The following PLEKHM3 variants were observed in gnomAD, a reference collection of about 807,000 sequenced individuals.
PLEKHM3 encodes pleckstrin homology domain containing M3.
PLEKHM3 carries 45 observed loss-of-function variants against 81.8 expected under a neutral mutation model. That is an observed-to-expected ratio of 0.55 (90% CI 0.43 to 0.71). The LOEUF (loss-of-function observed/expected upper bound fraction) is 0.71. Ranked by LOEUF, PLEKHM3 falls within the 30% of genes least tolerant of loss-of-function variation. The probability of loss-of-function intolerance (pLI) is 0.00; values close to 1 mark genes in which losing one functional copy is unlikely to be tolerated. For synonymous variants in PLEKHM3, 352 were observed against 356.4 expected, an observed-to-expected ratio of 0.99 and a Z score of 0.14; for missense variants, 788 against 924.3, an observed-to-expected ratio of 0.85 and a Z score of 1.91.
chr2:207,831,501 C>T (rs2092287781), intron 7 of PLEKHM3, among the ~76,000 whole-genome samples: 1 of 152,236 alleles, frequency 6.6e-6, no homozygotes, highest in Admixed American at 6.5e-5. Flanking sequence ...GGGCAAGTTA[C>T]TACTTAAGTT....
intron 6 of PLEKHM3, among the ~76,000 whole-genome samples, chr2:207,869,338 C>T (rs1168725874): frequency 1.3e-5 from 2 of 152,084 alleles, no homozygotes; most frequent in Non-Finnish European, 2.9e-5. Flanking sequence ...TAGAAGGAAA[C>T]GTGTAGCTCT....
intron 6 of PLEKHM3, among the ~76,000 whole-genome samples, chr2:207,901,535 G>A (rs1363922079): frequency 6.6e-6 from 1 of 152,178 alleles, no homozygotes; most frequent in Admixed American, 6.5e-5. Flanking sequence ...TCCCCTCCCT[G>A]TACGATGTGA....
intron 5 of PLEKHM3, among the ~76,000 whole-genome samples, chr2:207,918,285 G>T (rs971690107): frequency 6.6e-6 from 1 of 152,218 alleles, no homozygotes; most frequent in African/African-American, 2.4e-5. Context: ...CACTTTGGGA[G>T]GCTGAGGTGG....
rs538820836 is a variant in PLEKHM3, at chr2:207,910,187, G to A, written c.1887-1610C>T. Among the ~76,000 whole-genome samples the A allele has an allele frequency of 3.9e-5, 6 of 152,278 alleles. No individual in the cohort carries two copies. The South Asian group carries it at 8.3e-4, about 21-fold the overall frequency. On this transcript the variant is annotated intron_variant, in intron 5 of 7. Transcript: ENST00000427836. Reference sequence around the variant, plus strand: ...TCTAATGGTTCAGGGCTGCACTTGCGACAGGAAGCAGAGCACAGGTCCAGC... The same window carrying A: ...TCTAATGGTTCAGGGCTGCACTTGCAACAGGAAGCAGAGCACAGGTCCAGC...
intron 7 of PLEKHM3, among the ~76,000 whole-genome samples, chr2:207,829,895 T>A (rs987141281): frequency 1.3e-5 from 2 of 152,128 alleles, no homozygotes; most frequent in African/African-American, 4.8e-5. Flanking sequence ...TATCTCCTAG[T>A]CTGCCACTGA....
At chr2:207,927,515 CA>C (rs527604593) in intron 5 of PLEKHM3, among the ~76,000 whole-genome samples, 24,570 of 70,088 alleles carry the variant, frequency 0.35, 2,015 homozygotes, top group Middle Eastern at 0.4. Context: ...GACTCTGTCT[CA>C]AAAAAAAAAA....
chr2:208,008,204 C>T (rs1021969337), intron 1 of PLEKHM3, among the ~76,000 whole-genome samples: 4 of 151,862 alleles, frequency 2.6e-5, no homozygotes, highest in African/African-American at 9.7e-5. Context: ...AACTACTGCG[C>T]TCCAGCCTGG....
chr2:207,874,412 T>A (rs1287199156), intron 6 of PLEKHM3, among the ~76,000 whole-genome samples: 1 of 151,868 alleles, frequency 6.6e-6, no homozygotes, highest in Non-Finnish European at 1.5e-5. Flanking sequence ...CTGTCTTTAC[T>A]GAAAATACAA....
intron 7 of PLEKHM3, among the ~76,000 whole-genome samples, chr2:207,835,206 G>T (rs1037557863): frequency 9.2e-5 from 14 of 152,086 alleles, no homozygotes; most frequent in African/African-American, 3.1e-4. Context: ...GCCTCCCAAA[G>T]TGCTGGGATT....
intron 7 of PLEKHM3, among the ~76,000 whole-genome samples, chr2:207,829,044 G>A (rs2092269790): frequency 6.6e-6 from 1 of 152,126 alleles, no homozygotes; most frequent in Admixed American, 6.5e-5. Context: ...ATGAAATCTT[G>A]TGAGTTTTTT....
intron 3 of PLEKHM3, among the ~76,000 whole-genome samples, chr2:207,969,138 C>CA (rs1277404276): frequency 2.6e-5 from 4 of 152,182 alleles, no homozygotes; most frequent in Non-Finnish European, 4.4e-5. Context: ...CCCAATTTTT[C>CA]ACATGGGAAT....
chr2:207,857,663 T>C (rs2092443302), intron 7 of PLEKHM3, among the ~76,000 whole-genome samples: 1 of 152,200 alleles, frequency 6.6e-6, no homozygotes, highest in Non-Finnish European at 1.5e-5. Flanking sequence ...TTGTTTATAA[T>C]ACTCTTTTAT....
At chr2:207,841,796 C>T (rs2092355664) in intron 7 of PLEKHM3, among the ~76,000 whole-genome samples, 1 of 151,822 alleles carries the variant, frequency 6.6e-6, no homozygotes, top group African/African-American at 2.4e-5. Flanking sequence ...ATCTTTGTAT[C>T]CTTATTCCCA....
chr2:207,981,086 C>T (rs933706397), intron 2 of PLEKHM3, among the ~76,000 whole-genome samples: 6 of 150,240 alleles, frequency 4.0e-5, no homozygotes, highest in Non-Finnish European at 8.9e-5. Flanking sequence ...CGAGATTACG[C>T]CACTGCACTA....
intron 7 of PLEKHM3, among the ~76,000 whole-genome samples, chr2:207,835,888 T>C (rs963274265): frequency 1.3e-5 from 2 of 152,090 alleles, no homozygotes; most frequent in African/African-American, 4.8e-5. Flanking sequence ...GGGATGGGGA[T>C]GAGGAGGGCC....
chr2:207,889,366 C>T (rs1687978236), intron 6 of PLEKHM3, among the ~76,000 whole-genome samples: 1 of 150,258 alleles, frequency 6.7e-6, no homozygotes, highest in African/African-American at 2.4e-5. Flanking sequence ...AGATAGGCCA[C>T]TATGTTAACA....
At chr2:208,010,414 A>G (rs1038208755) in intron 1 of PLEKHM3, among the ~76,000 whole-genome samples, 1 of 152,276 alleles carries the variant, frequency 6.6e-6, no homozygotes, top group Non-Finnish European at 1.5e-5. Context: ...AAGCAGGAAG[A>G]CACAAACTTC....
intron 2 of PLEKHM3, among the ~76,000 whole-genome samples, chr2:207,990,163 A>G (rs1341752005): frequency 6.6e-6 from 1 of 152,170 alleles, no homozygotes; most frequent in Non-Finnish European, 1.5e-5. Flanking sequence ...CACCCCACCA[A>G]CTTCCATATT....
At chr2:207,839,212 A>G (rs1237975451) in intron 7 of PLEKHM3, among the ~76,000 whole-genome samples, 1 of 152,176 alleles carries the variant, frequency 6.6e-6, no homozygotes, top group East Asian at 1.9e-4. Flanking sequence ...GGACTAAGAC[A>G]CTAAGTACAA....
Sources: allele counts gnomAD v4.1 joint callset (sites outside exome capture counted in the v4.1 genomes callset), GRCh38; gene constraint gnomAD v4.1.1; transcripts MANE v1.5; gene names NCBI Gene and HGNC (gene_info 2026-07-23, HGNC 2026-07-21).